The following PIGN variants were observed in gnomAD, a reference collection of about 807,000 sequenced individuals.
PIGN encodes GPI ethanolamine phosphate transferase 1.
A neutral mutation model predicts 125.4 loss-of-function variants in PIGN; 117 were observed. That is an observed-to-expected ratio of 0.93 (90% CI 0.80 to 1.09). The LOEUF is 1.09. Ranked by LOEUF, PIGN falls within the 50% of genes least tolerant of loss-of-function variation. The pLI is 0.00. For synonymous variants in PIGN, 392 were observed against 377.8 expected, an observed-to-expected ratio of 1.04 and a Z score of -0.44; for missense variants, 1,075 against 1,094.9, an observed-to-expected ratio of 0.98 and a Z score of 0.26.
chr18:62,143,076 C>A (rs757476634), intron 11 of PIGN, among the ~76,000 whole-genome samples: 1 of 152,092 alleles, frequency 6.6e-6, no homozygotes, highest in African/African-American at 2.4e-5. Context: ...AAATAATTAT[C>A]CAATGTTATT....
intron 14 of PIGN, 80 bp from the exon 15 acceptor site, chr18:62,114,719 C>A (rs946327524): frequency 1.9e-5 from 12 of 632,034 alleles, no homozygotes; most frequent in Non-Finnish European, 2.9e-5. Context: ...AATTAAAAAA[C>A]AAAGATAGTG....
At chr18:62,162,773 A>G (rs563173934) in intron 2 of PIGN, among the ~76,000 whole-genome samples, 1 of 152,232 alleles carries the variant, frequency 6.6e-6, no homozygotes, top group Non-Finnish European at 1.5e-5. Context: ...TGCTACTACA[A>G]ATCAACTTTC....
At chr18:62,175,597 C>T (rs1400615500) in intron 1 of PIGN, among the ~76,000 whole-genome samples, 1 of 152,132 alleles carries the variant, frequency 6.6e-6, no homozygotes, top group Non-Finnish European at 1.5e-5. Flanking sequence ...TTATGGCATC[C>T]CACCTTGGGC....
At chr18:62,110,704 C>A (rs1361542270) in intron 16 of PIGN, among the ~76,000 whole-genome samples, 1 of 152,042 alleles carries the variant, frequency 6.6e-6, no homozygotes, top group Non-Finnish European at 1.5e-5. Context: ...TTCCTGACAG[C>A]CTGACCTGTG....
chr18:62,045,869 CT>C lies in PIGN; in HGVS notation c.2782del (p.Ser928ValfsTer22). 1 of 1,613,832 alleles carries C rather than the reference CT, an allele frequency of 6.2e-7. No individual in the cohort carries two copies. The highest frequency in any genetic ancestry group is 8.5e-7 in the Non-Finnish European group (1 of 1,179,784). ...KKLRLCGKPK[S>X]HFM is the part of the protein sequence containing the mutation. ...GCTTCAGCAACCTCACATGAAGTGA[CT>C]TTTGGGTTTGCCACATAGTCTGAGT... On this transcript the variant is annotated frameshift_variant, in exon 31 of 31. Coordinates refer to ENST00000640252, the MANE Select transcript of PIGN (RefSeq NM_176787.5). LOFTEE classifies it high-confidence loss of function.
chr18:62,062,908 TTTTTG>T (rs1304444142), intron 30 of PIGN, among the ~76,000 whole-genome samples: 9 of 90,132 alleles, frequency 1.0e-4, no homozygotes, highest in African/African-American at 2.7e-4. Flanking sequence ...TTTTTTTTTT[TTTTTG>T]CTGTTGTCGT....
chr18:62,157,145 C>G lies in PIGN; in HGVS notation c.426G>C (p.Leu142=), dbSNP rs191939518. ...YTWSWGSPDI[L]PMFAKGASGD... ...GACTCTTACCTTTGGCAAACATAGG[C>G]AGGATATCTGGGCTTCCCCAGCTCC... Residue 142 remains leucine (L), a synonymous_variant, in exon 6 of 31, where the codon CTG becomes CTC. Transcript: ENST00000640252. 31 of 1,598,324 alleles carry G rather than the reference C, an allele frequency of 1.9e-5. No individual in the cohort carries two copies. In the Middle Eastern group the frequency reaches 6.6e-4, roughly 34 times the overall value.
Position 62,113,330 on chromosome 18 carries a change from A to G in PIGN, c.1252-14T>C. 1 of 1,559,148 alleles carries G rather than the reference A, an allele frequency of 6.4e-7. No individual in the cohort carries two copies. Among genetic ancestry groups the G allele is most frequent in the Non-Finnish European group, 8.7e-7 (1 of 1,155,714 alleles). On this transcript the variant is annotated splice_polypyrimidine_tract_variant and intron_variant, in intron 15 of 30. Transcript: ENST00000640252. ...GCAAAGGGAGACCTATGGAGAAAAAACATATATAACTTGCTAACAGAAATA... is the reference window on the plus strand; with the variant it reads ...GCAAAGGGAGACCTATGGAGAAAAAGCATATATAACTTGCTAACAGAAATA...
rs148669516 is a variant in PIGN, at chr18:62,161,306, G to A, written c.48C>T (p.Phe16=). ...TLGLLIHFVF[F]ASIFDIYFTS... is the part of the protein sequence containing the mutation. The stretch of plus-strand genomic sequence containing the variant: ...TAAAATAAATGTCAAAGATGGAGGC[G>A]AAGAACACAAAATGTATAAGCAATC... The change falls in exon 4 of 31, where the codon TTC becomes TTT. Residue 16 remains phenylalanine (F), a synonymous_variant. Coordinates refer to ENST00000640252, the MANE Select transcript of PIGN (RefSeq NM_176787.5). 1.5e-5 allele frequency: 24 copies of A among 1,613,430 alleles called. No homozygotes were observed. The highest frequency in any genetic ancestry group is 2.7e-5 in the African/African-American group (2 of 75,024).
chr18:62,043,008 A>C lies in PIGN; in HGVS notation c.*2848T>G, dbSNP rs1001083121. Reference sequence around the variant, plus strand: ...TGCCATAGTACTGAAAGCACACAGCATAACAATCATTAATGCTTTGAAGCA... The same window carrying C: ...TGCCATAGTACTGAAAGCACACAGCCTAACAATCATTAATGCTTTGAAGCA... On this transcript the variant is annotated 3_prime_UTR_variant, in exon 31 of 31. Transcript: ENST00000640252. The C allele has an allele frequency of 3.9e-5, 6 of 152,224 alleles. No individual in the cohort carries two copies. The highest frequency in any genetic ancestry group is 1.4e-4 in the African/African-American group (6 of 41,460). The allele number at this position is 152,224 out of a possible 1,614,324, so 9.4% of individuals were successfully genotyped here. A position where few individuals can be genotyped will look rare whatever the true frequency, so the allele number is the denominator to read the frequency against.
chr18:62,146,013 GC>G lies in PIGN; in HGVS notation c.817del (p.Ala273LeufsTer8). 6.5e-7 allele frequency: 1 copy of G among 1,542,482 alleles called. No individual in the cohort carries two copies. The highest frequency in any genetic ancestry group is 8.9e-7 in the Non-Finnish European group (1 of 1,129,706). ...HGMTDWGSHGAGHPSETLTPL... is the reference protein window; with the variant it reads ...HGMTDWGSHGXGHPSETLTPL... ...AGTTAAAGTCTCTGAAGGATGACCAGCCCCATGGGAACCTACAAATAAGATA... is the reference window on the plus strand; with the variant it reads ...AGTTAAAGTCTCTGAAGGATGACCAGCCCATGGGAACCTACAAATAAGATA... On this transcript the variant is annotated frameshift_variant, in exon 10 of 31. Transcript: ENST00000640252. LOFTEE classifies it high-confidence loss of function.
At chr18:62,040,077 G>A (rs576488401), downstream of PIGN, among the ~76,000 whole-genome samples, 4 of 61,580 alleles carry the variant, frequency 6.5e-5, no homozygotes, top group African/African-American at 2.7e-4. Context: ...GGGCCCCATC[G>A]ACGATGCCGC....
Position 62,148,144 on chromosome 18 carries a change from CTT to C in PIGN, c.674+68_674+69del, listed in dbSNP as rs889344844. The C allele has an allele frequency of 2.4e-6, 3 of 1,233,602 alleles. No individual in the cohort carries two copies. In the African/African-American group the frequency reaches 4.7e-5, roughly 19 times the overall value. The allele number at this position is 1,233,602 out of a possible 1,614,324, so 76.4% of individuals were successfully genotyped here. On this transcript the variant is annotated intron_variant, in intron 8 of 30. Transcript: ENST00000640252. The stretch of plus-strand genomic sequence containing the variant: ...TCTGTTGTTATAATTCCAAAGAAAA[CTT>C]TATAATAAAAAGTTCAATAGAATAG...
At chr18:62,174,117 G>A (rs1480236508) in intron 1 of PIGN, among the ~76,000 whole-genome samples, 1 of 151,854 alleles carries the variant, frequency 6.6e-6, no homozygotes, top group Non-Finnish European at 1.5e-5. Flanking sequence ...AGGAGGCTGA[G>A]GCAGGAAAAT....
At position 62,106,897 on chromosome 18, in the gene PIGN, AAAG is replaced by A; in HGVS notation, c.1675-19_1675-17del. The A allele has an allele frequency of 1.9e-6, 3 of 1,587,262 alleles. No homozygotes were observed. Among genetic ancestry groups the A allele is most frequent in the Non-Finnish European group, 2.6e-6 (3 of 1,161,742 alleles). The stretch of plus-strand genomic sequence containing the variant: ...AACTGAGAACCTAGTAATGCATTCC[AAAG>A]AAGGAATGAAAAATAAGGTCATTTA... On this transcript the variant is annotated splice_polypyrimidine_tract_variant and intron_variant, in intron 18 of 30. Transcript: ENST00000640252.
intron 14 of PIGN, among the ~76,000 whole-genome samples, chr18:62,128,734 T>C (rs1290164745): frequency 6.6e-6 from 1 of 152,178 alleles, no homozygotes; most frequent in Non-Finnish European, 1.5e-5. Flanking sequence ...AAAATATTCA[T>C]TAAATTCTAT....
At chr18:62,018,975 C>T (rs619673) in intron 23 of PIGN, among the ~76,000 whole-genome samples, 35,903 of 151,940 alleles carry the variant, frequency 0.24, 4,483 homozygotes, top group Middle Eastern at 0.37. Context: ...TCAGTACTTT[C>T]GGAGGCCAGG....
At chr18:62,074,857 CA>C (rs746173045) in intron 28 of PIGN, 36 bp from the exon 29 acceptor site, 115 of 1,420,050 alleles carry the variant, frequency 8.1e-5, no homozygotes, top group Non-Finnish European at 1.1e-4. Context: ...ACATCTAATA[CA>C]ACAGGTGCAT....
intron 28 of PIGN, among the ~76,000 whole-genome samples, chr18:62,080,279 C>T (rs928972012): frequency 1.3e-5 from 2 of 152,124 alleles, no homozygotes; most frequent in African/African-American, 4.8e-5. Flanking sequence ...AATACTAAAA[C>T]TTGTTTCTCT....
Sources: allele counts gnomAD v4.1 joint callset (sites outside exome capture counted in the v4.1 genomes callset), GRCh38; gene constraint gnomAD v4.1.1; transcripts MANE v1.5; gene names NCBI Gene and HGNC (gene_info 2026-07-23, HGNC 2026-07-21).